KIAA0319: variants seen among roughly 807,000 people sequenced by gnomAD.
KIAA0319 encodes dyslexia-associated protein KIAA0319.
KIAA0319 carries 83 observed loss-of-function variants against 108.4 expected under a neutral mutation model. The observed-to-expected ratio is 0.77, with a 90% confidence interval of 0.64 to 0.92. KIAA0319 has a LOEUF of 0.92. KIAA0319 is among the 40% of genes least tolerant of loss of function. KIAA0319 has a pLI of 0.00. For missense variants in KIAA0319, 1,195 were observed against 1,322.4 expected, an observed-to-expected ratio of 0.90 and a Z score of 1.49; for synonymous variants, 484 against 510.4, an observed-to-expected ratio of 0.95 and a Z score of 0.70.
At chr6:24,619,519 C>T (rs754259264) in intron 1 of KIAA0319, among the ~76,000 whole-genome samples, 4 of 151,998 alleles carry the variant, frequency 2.6e-5, no homozygotes, top group Admixed American at 2.6e-4. Context: ...GCTGAATAGG[C>T]CACAGGATAA....
intron 1 of KIAA0319, among the ~76,000 whole-genome samples, chr6:24,607,364 G>GAAAAGAAAAAA (rs1405705583): frequency 1.3e-5 from 2 of 151,196 alleles, no homozygotes; most frequent in African/African-American, 4.8e-5. Context: ...CTCAAAAAAA[G>GAAAAGAAAAAA]AAAAGAAAAA....
Position 24,569,998 on chromosome 6 carries a change from A to G in KIAA0319, c.1896T>C (p.Asp632=). The stretch of plus-strand genomic sequence containing the variant: ...TTTCCACTGGGAAGATCAGCTCTTT[A>G]TCAGGGCCGGCCACAGCCACTGGAG... ...NRPPVAVAGP[D]KELIFPVESA... Residue 632 remains aspartate (D), a synonymous_variant, in exon 12 of 21, where the codon GAT becomes GAC. Transcript: ENST00000378214. The G allele has an allele frequency of 6.2e-7, 1 of 1,614,080 alleles. No individual in the cohort carries two copies. Among genetic ancestry groups the G allele is most frequent in the Non-Finnish European group, 8.5e-7 (1 of 1,179,978 alleles).
downstream of KIAA0319, among the ~76,000 whole-genome samples, chr6:24,541,546 C>G (rs981229560): frequency 6.6e-6 from 1 of 152,254 alleles, no homozygotes; most frequent in African/African-American, 2.4e-5. Flanking sequence ...GCCAGTAATC[C>G]CAGCACTTTG....
At chr6:24,578,648 C>T (rs1215398323) in intron 8 of KIAA0319, among the ~76,000 whole-genome samples, 1 of 152,226 alleles carries the variant, frequency 6.6e-6, no homozygotes, top group African/African-American at 2.4e-5. Flanking sequence ...CTACAACTTA[C>T]AAAACATCTT....
At position 24,544,823 on chromosome 6, in the gene KIAA0319, T is replaced by G. The variant is rs1362383158; in HGVS notation, c.*2342A>C. 1 of 152,220 alleles carries G rather than the reference T, an allele frequency of 6.6e-6. No homozygotes were observed. The highest frequency in any genetic ancestry group is 1.5e-5 in the Non-Finnish European group (1 of 68,044). 9.4% of individuals were successfully genotyped at this position (152,220 alleles called of 1,614,324 possible). A position where few individuals can be genotyped will look rare whatever the true frequency, so the allele number is the denominator to read the frequency against. On this transcript the variant is annotated 3_prime_UTR_variant, in exon 21 of 21. Transcript: ENST00000378214. Reference sequence around the variant, plus strand: ...GGTCATTCCATCTCGTGCTTTGTTCTGATGAGAAATGGGGTGACAAGACAG... The same window carrying G: ...GGTCATTCCATCTCGTGCTTTGTTCGGATGAGAAATGGGGTGACAAGACAG...
intron 1 of KIAA0319, among the ~76,000 whole-genome samples, chr6:24,602,781 A>G (rs1028795230): frequency 4.6e-5 from 7 of 152,064 alleles, no homozygotes; most frequent in African/African-American, 1.5e-4. Flanking sequence ...AGCCTGGGCT[A>G]CACAGCGAGA....
chr6:24,628,776 C>T (rs1397049063), intron 1 of KIAA0319, among the ~76,000 whole-genome samples: 1 of 152,134 alleles, frequency 6.6e-6, no homozygotes, highest in Non-Finnish European at 1.5e-5. Context: ...CGTTCCTTTG[C>T]TTGCAGCTGC....
chr6:24,608,076 G>A (rs1471023952), intron 1 of KIAA0319, among the ~76,000 whole-genome samples: 4 of 152,048 alleles, frequency 2.6e-5, no homozygotes, highest in Non-Finnish European at 5.9e-5. Context: ...GAAGACTATA[G>A]CAATAAAAAA....
chr6:24,605,960 G>C (rs1340652186), intron 1 of KIAA0319, among the ~76,000 whole-genome samples: 1 of 150,170 alleles, frequency 6.7e-6, no homozygotes, highest in Non-Finnish European at 1.5e-5. Context: ...TTTTGAGACA[G>C]AGTCTCACTC....
chr6:24,576,492 T>A lies in KIAA0319; in HGVS notation c.1610A>T (p.His537Leu), dbSNP rs527877427. Residue 537 changes from histidine (H) to leucine (L), a missense_variant, in exon 10 of 21, where the codon CAC (histidine) becomes CTC (leucine). Physicochemically the swap from His to Leu is moderately conservative, Grantham distance 99. Coordinates refer to ENST00000378214, the MANE Select transcript of KIAA0319 (RefSeq NM_014809.4). The part of the protein sequence containing the change: ...YPPVANAGPN[H>L]TITLPQNSIT... ...GGAGTTTTGGGGCAAAGTTATGGTG[T>A]GATTTGGTCCTGCATTAGCAACTGG... The A allele has an allele frequency of 3.1e-6, 5 of 1,614,130 alleles. No individual in the cohort carries two copies. In the African/African-American group the frequency reaches 6.7e-5, roughly 22 times the overall value.
chr6:24,644,752 T>C (rs1001199616), intron 1 of KIAA0319, among the ~76,000 whole-genome samples: 9 of 152,366 alleles, frequency 5.9e-5, no homozygotes, highest in Non-Finnish European at 1.2e-4. Flanking sequence ...ATTAAGTTCT[T>C]GCCTCGGCAT....
chr6:24,608,806 C>T (rs1771826995), intron 1 of KIAA0319, among the ~76,000 whole-genome samples: 1 of 151,756 alleles, frequency 6.6e-6, no homozygotes. Context: ...TGGCAGGCAC[C>T]TGTAGTCCCA....
intron 1 of KIAA0319, among the ~76,000 whole-genome samples, chr6:24,632,947 G>T (rs1226974543): frequency 1.3e-5 from 2 of 152,180 alleles, no homozygotes; most frequent in Non-Finnish European, 2.9e-5. Context: ...CACAAGAAGG[G>T]CATTCTTGAG....
At chr6:24,623,250 CA>C (rs1016607514) in intron 1 of KIAA0319, among the ~76,000 whole-genome samples, 99 of 151,950 alleles carry the variant, frequency 6.5e-4, no homozygotes, top group African/African-American at 1.8e-3. Context: ...CGCACACACA[CA>C]AAGACAAAGG....
chr6:24,629,711 CT>C (rs1383733839), intron 1 of KIAA0319, among the ~76,000 whole-genome samples: 1 of 151,844 alleles, frequency 6.6e-6, no homozygotes, highest in Non-Finnish European at 1.5e-5. Flanking sequence ...GTGGCTGCTG[CT>C]TTAGATCTGA....
At chr6:24,577,730 A>G (rs1028044758) in intron 9 of KIAA0319, among the ~76,000 whole-genome samples, 4 of 152,230 alleles carry the variant, frequency 2.6e-5, no homozygotes, top group African/African-American at 9.6e-5. Context: ...TCTGGCTCTG[A>G]CAGCAAACCA....
Position 24,568,835 on chromosome 6 carries a change from T to G in KIAA0319, c.2086A>C (p.Lys696Gln), listed in dbSNP as rs780226124. ...GTGCTGCTCAGTCCCTGCTGGTCTTTCACTGTCAAACGGAAGTGGTAGGTC... is the reference window on the plus strand; with the variant it reads ...GTGCTGCTCAGTCCCTGCTGGTCTTGCACTGTCAAACGGAAGTGGTAGGTC... Reference protein sequence around the residue: ...VGTYHFRLTVKDQQGLSSTST... With the variant: ...VGTYHFRLTVQDQQGLSSTST... Residue 696 changes from lysine to glutamine, a missense_variant, in exon 13 of 21, where the codon AAA (lysine) becomes CAA (glutamine). Physicochemically the swap from Lys to Gln is moderately conservative, Grantham distance 53. Transcript: ENST00000378214. The G allele has an allele frequency of 1.1e-5, 18 of 1,614,088 alleles. No individual in the cohort carries two copies. The highest frequency in any genetic ancestry group is 1.4e-5 in the Non-Finnish European group (16 of 1,180,036).
intron 1 of KIAA0319, among the ~76,000 whole-genome samples, chr6:24,607,755 C>A (rs1289325034): frequency 1.3e-5 from 2 of 152,124 alleles, no homozygotes; most frequent in African/African-American, 4.8e-5. Context: ...TTACTTATTT[C>A]TCATCTACTA....
At chr6:24,609,265 C>T (rs1245478359) in intron 1 of KIAA0319, among the ~76,000 whole-genome samples, 2 of 110,502 alleles carry the variant, frequency 1.8e-5, no homozygotes, top group East Asian at 4.9e-4. Flanking sequence ...CAGACCCTGT[C>T]TCAAAAACAA....
Sources: gnomAD v4.1 joint callset for allele counts (sites outside exome capture counted in the v4.1 genomes callset) on GRCh38, gnomAD v4.1.1 for gene constraint, MANE v1.5 for transcripts, NCBI Gene and HGNC (gene_info 2026-07-23, HGNC 2026-07-21) for gene names.